The following PTPRM variants were observed in gnomAD, a reference collection of about 807,000 sequenced individuals.
PTPRM encodes receptor-type tyrosine-protein phosphatase mu.
PTPRM carries 47 observed loss-of-function variants against 186.7 expected under a neutral mutation model. The ratio of observed to expected loss-of-function variants is 0.25; its 90% CI spans 0.20 to 0.32. The LOEUF is 0.32. Ranked by LOEUF, PTPRM falls within the 10% of genes least tolerant of loss-of-function variation. The pLI is 1.00. For synonymous variants in PTPRM, 668 were observed against 674.9 expected, an observed-to-expected ratio of 0.99 and a Z score of 0.16; for missense variants, 1,494 against 1,865.0, an observed-to-expected ratio of 0.80 and a Z score of 3.66.
intron 7 of PTPRM, among the ~76,000 whole-genome samples, chr18:8,030,670 G>C (rs184287791): frequency 9.2e-5 from 14 of 151,808 alleles, no homozygotes; most frequent in Admixed American, 9.2e-4. Context: ...CCTCACATGA[G>C]GTGTCTTCTC....
intron 14 of PTPRM, among the ~76,000 whole-genome samples, chr18:8,194,829 G>A (rs947546547): frequency 3.9e-5 from 6 of 152,154 alleles, no homozygotes; most frequent in African/African-American, 1.4e-4. Flanking sequence ...TTAGAGTGAC[G>A]CAGTGTCAGT....
chr18:7,684,749 A>G (rs1280875901), intron 1 of PTPRM, among the ~76,000 whole-genome samples: 5 of 152,174 alleles, frequency 3.3e-5, no homozygotes, highest in Non-Finnish European at 7.3e-5. Context: ...TAATCTGTCC[A>G]TGGACATTTT....
intron 2 of PTPRM, among the ~76,000 whole-genome samples, chr18:7,783,748 T>TTGTGTGTGTGTGTGTGTGTG (rs60314284): frequency 6.8e-6 from 1 of 146,620 alleles, no homozygotes; most frequent in Non-Finnish European, 1.5e-5. Context: ...ATTTTTAATT[T>TTGTGTGTGTGTGTGTGTGTG]TGTGTGTGTG....
chr18:8,229,202 C>A (rs2094254056), intron 14 of PTPRM, among the ~76,000 whole-genome samples: 1 of 152,102 alleles, frequency 6.6e-6, no homozygotes, highest in Non-Finnish European at 1.5e-5. Context: ...ACATGCCAGG[C>A]ACTTTCTAAC....
chr18:7,838,139 G>T (rs2145804032), intron 2 of PTPRM, among the ~76,000 whole-genome samples: 1 of 152,218 alleles, frequency 6.6e-6, no homozygotes, highest in South Asian at 2.1e-4. Context: ...ACACATGGCT[G>T]GGGAGGCCTC....
intron 1 of PTPRM, among the ~76,000 whole-genome samples, chr18:7,730,718 A>G (rs890023253): frequency 2.0e-5 from 3 of 152,206 alleles, no homozygotes; most frequent in African/African-American, 7.2e-5. Context: ...GGATCCAGAA[A>G]CATTTTTCCT....
At chr18:8,032,186 C>T (rs750453722) in intron 7 of PTPRM, among the ~76,000 whole-genome samples, 3 of 152,170 alleles carry the variant, frequency 2.0e-5, no homozygotes, top group South Asian at 4.1e-4. Flanking sequence ...TCTGGAGCCA[C>T]ATTGCTTGGA....
chr18:8,394,731 A>G (rs1036647938), intron 32 of PTPRM, 120 bp downstream of exon 32: 5 of 1,091,568 alleles, frequency 4.6e-6, no homozygotes, highest in African/African-American at 1.6e-5. Flanking sequence ...CAAAATCACA[A>G]TGTAATCACT....
intron 1 of PTPRM, among the ~76,000 whole-genome samples, chr18:7,758,515 G>A (rs921688121): frequency 2.0e-5 from 3 of 152,132 alleles, no homozygotes; most frequent in African/African-American, 7.2e-5. Context: ...GACATACAGT[G>A]TTTAGTGGCT....
At chr18:7,597,103 C>T (rs937804967) in intron 1 of PTPRM, among the ~76,000 whole-genome samples, 2 of 152,206 alleles carry the variant, frequency 1.3e-5, no homozygotes, top group African/African-American at 4.8e-5. Flanking sequence ...GATCCACCCT[C>T]CTTGTCCTTC....
chr18:8,217,277 G>A (rs1568541741), intron 14 of PTPRM, among the ~76,000 whole-genome samples: 2 of 133,116 alleles, frequency 1.5e-5, no homozygotes, highest in Admixed American at 8.5e-5. Context: ...GAAGTCTTGC[G>A]CATAAGTCGG....
At chr18:8,165,276 C>T (rs1373937309) in intron 14 of PTPRM, among the ~76,000 whole-genome samples, 1 of 152,106 alleles carries the variant, frequency 6.6e-6, no homozygotes, top group Non-Finnish European at 1.5e-5. Context: ...AATGGTCAGC[C>T]TCTGAGCATT....
chr18:8,289,567 T>TATACACAC (rs1568675198), intron 19 of PTPRM, among the ~76,000 whole-genome samples: 4 of 123,682 alleles, frequency 3.2e-5, no homozygotes, highest in African/African-American at 1.5e-4. Flanking sequence ...TATACACATA[T>TATACACAC]ATATATATAC....
At chr18:8,199,968 A>G (rs2093831329) in intron 14 of PTPRM, among the ~76,000 whole-genome samples, 1 of 152,208 alleles carries the variant, frequency 6.6e-6, no homozygotes, top group South Asian at 2.1e-4. Flanking sequence ...TTGTTGTTAA[A>G]TAATATATGG....
At chr18:7,613,377 A>G (rs1158671517) in intron 1 of PTPRM, among the ~76,000 whole-genome samples, 1 of 152,198 alleles carries the variant, frequency 6.6e-6, no homozygotes, top group African/African-American at 2.4e-5. Flanking sequence ...GTTTCTTGAA[A>G]TAAATTGAAA....
chr18:7,648,539 A>C (rs1410178475), intron 1 of PTPRM, among the ~76,000 whole-genome samples: 1 of 152,208 alleles, frequency 6.6e-6, no homozygotes, highest in East Asian at 1.9e-4. Flanking sequence ...AGGAGATTGA[A>C]AGTGCCACTA....
chr18:8,186,737 G>A (rs139538643), intron 14 of PTPRM, among the ~76,000 whole-genome samples: 4 of 152,308 alleles, frequency 2.6e-5, no homozygotes, highest in African/African-American at 7.2e-5. Flanking sequence ...GTGACATGGG[G>A]GAAACTGAGG....
intron 1 of PTPRM, among the ~76,000 whole-genome samples, chr18:7,741,109 T>A (rs186930674): frequency 1.3e-5 from 2 of 152,330 alleles, no homozygotes; most frequent in Admixed American, 1.3e-4. Context: ...GAGCAAGTAC[T>A]AAGTTTTCTG....
chr18:7,646,970 C>T (rs2038580514), intron 1 of PTPRM, among the ~76,000 whole-genome samples: 1 of 152,126 alleles, frequency 6.6e-6, no homozygotes, highest in East Asian at 1.9e-4. Flanking sequence ...AAACGGGTTT[C>T]TGCTCTAGCA....
Sources: allele counts gnomAD v4.1 joint callset (sites outside exome capture counted in the v4.1 genomes callset), GRCh38; gene constraint gnomAD v4.1.1; transcripts MANE v1.5; gene names NCBI Gene and HGNC (gene_info 2026-07-23, HGNC 2026-07-21).